ARSJ: variants seen among roughly 807,000 people sequenced by gnomAD.
ARSJ encodes the protein arylsulfatase J.
Under a neutral mutation model 35.9 loss-of-function variants are expected in ARSJ, and 26 were observed. The ratio of observed to expected loss-of-function variants is 0.72; its 90% CI spans 0.53 to 1.00. The LOEUF (loss-of-function observed/expected upper bound fraction) is 1.00, where lower values mean the gene tolerates loss of function less well. Among genes scored for constraint, ARSJ ranks in the 50% least tolerant of loss-of-function variants. The pLI is 0.00. For synonymous variants in ARSJ, 294 were observed against 267.6 expected, an observed-to-expected ratio of 1.10 and a Z score of -0.96; for missense variants, 667 against 723.6, an observed-to-expected ratio of 0.92 and a Z score of 0.90.
At chr4:113,944,232 G>A (rs1415098802) in intron 1 of ARSJ, 1 of 152,016 alleles carries the variant, frequency 6.6e-6, no homozygotes, top group Non-Finnish European at 1.5e-5. Context: ...GAATCTGTAT[G>A]GATCTATGTG....
chr4:113,935,301 T>C (rs1724696268), intron 1 of ARSJ, among the ~76,000 whole-genome samples: 1 of 151,896 alleles, frequency 6.6e-6, no homozygotes. Flanking sequence ...TGTGATAATA[T>C]GGGCAACAGC....
At chr4:113,925,621 C>G (rs899929205) in intron 1 of ARSJ, among the ~76,000 whole-genome samples, 1 of 152,166 alleles carries the variant, frequency 6.6e-6, no homozygotes, top group Non-Finnish European at 1.5e-5. Context: ...ATGAAGCCCA[C>G]TGCCACACTG....
chr4:113,955,963 A>G (rs1352657194), intron 1 of ARSJ, among the ~76,000 whole-genome samples: 6 of 152,126 alleles, frequency 3.9e-5, no homozygotes, highest in Admixed American at 3.9e-4. Flanking sequence ...TATTTGTAGT[A>G]TGGAAACTGA....
chr4:113,977,987 T>C (rs1727693520), intron 1 of ARSJ, among the ~76,000 whole-genome samples: 2 of 152,220 alleles, frequency 1.3e-5, no homozygotes, highest in Non-Finnish European at 2.9e-5. Context: ...ATCTGTTTCG[T>C]TGGTTCATTT....
At chr4:113,915,903 T>G (rs1235864932) in intron 1 of ARSJ, among the ~76,000 whole-genome samples, 1 of 152,208 alleles carries the variant, frequency 6.6e-6, no homozygotes, top group Admixed American at 6.5e-5. Context: ...TGAAAAGTGA[T>G]CACTGCCTAG....
Position 113,903,101 on chromosome 4 carries a change from A to G in ARSJ, c.973T>C (p.Ser325Pro). The G allele has an allele frequency of 6.2e-7, 1 of 1,614,202 alleles. No individual in the cohort carries two copies. The highest frequency in any genetic ancestry group is 8.5e-7 in the Non-Finnish European group (1 of 1,180,026). The change falls in exon 2 of 2, where the codon TCT becomes CCT. Residue 325 changes from serine (S) to proline (P), a missense_variant. By Grantham distance (74) the Ser-to-Pro change is moderately conservative. Transcript: ENST00000315366. Reference protein sequence around the residue: ...GFYNNSIIIYSSDNGGQPTAG... With the variant: ...GFYNNSIIIYPSDNGGQPTAG... ...GTAGGCTGGCCACCATTATCTGAAG[A>G]GTAAATGATAATGCTGTTGTTATAG...
Position 113,901,847 on chromosome 4 carries a change from A to C in ARSJ, c.*427T>G. ...ACTGTAATTTATCAAAGGTAGTTTT[A>C]ATCATGCTACCCTGTAACTTCCATC... is the stretch of plus-strand genomic sequence containing the variant. On this transcript the variant is annotated 3_prime_UTR_variant, in exon 2 of 2. Coordinates refer to ENST00000315366, the MANE Select transcript of ARSJ (RefSeq NM_024590.4). 1 of 200,146 alleles carries C rather than the reference A, an allele frequency of 5.0e-6. No homozygotes were observed. Among genetic ancestry groups the C allele is most frequent in the Non-Finnish European group, 1.0e-5 (1 of 97,184 alleles). 12.4% of individuals were successfully genotyped at this position (200,146 alleles called of 1,614,324 possible).
At position 113,916,207 on chromosome 4, in the gene ARSJ, A is replaced by T. The variant is rs375431363; in HGVS notation, c.399-12532T>A. 8.5e-5 allele frequency among the ~76,000 whole-genome samples: 13 copies of T among 152,226 alleles called. No homozygotes were observed. The East Asian group carries it at 2.3e-3, about 27-fold the overall frequency. On this transcript the variant is annotated intron_variant, in intron 1 of 1. Coordinates refer to ENST00000315366, the MANE Select transcript of ARSJ (RefSeq NM_024590.4). Reference sequence around the variant, plus strand: ...TGCCTAATGACTTGACATCATAGGAATTTCTCCAGCATGTATTGTGGAAAC... The same window carrying T: ...TGCCTAATGACTTGACATCATAGGATTTTCTCCAGCATGTATTGTGGAAAC...
chr4:113,978,845 C>A lies in ARSJ; in HGVS notation c.-11G>T. 1 of 1,582,076 alleles carries A rather than the reference C, an allele frequency of 6.3e-7. No individual in the cohort carries two copies. Among genetic ancestry groups the A allele is most frequent in the South Asian group, 1.2e-5 (1 of 85,862 alleles). On this transcript the variant is annotated 5_prime_UTR_variant, in exon 1 of 2. Transcript: ENST00000315366. ...GCCCCTGGGAGCCATTCACTCAGGT[C>A]CCAGGTGAGACTCCACGCGGAGAAC...
chr4:113,942,073 T>C (rs1725192855), intron 1 of ARSJ, among the ~76,000 whole-genome samples: 1 of 151,932 alleles, frequency 6.6e-6, no homozygotes, highest in South Asian at 2.1e-4. Context: ...GGAATCTTGT[T>C]AAGTAAATGA....
intron 1 of ARSJ, among the ~76,000 whole-genome samples, chr4:113,928,061 T>C (rs189750346): frequency 4.3e-4 from 66 of 152,224 alleles, no homozygotes; most frequent in Non-Finnish European, 8.7e-4. Flanking sequence ...TGGGGACACA[T>C]TGGACCCTCT....
At chr4:113,909,123 A>G (rs537677560) in intron 1 of ARSJ, among the ~76,000 whole-genome samples, 55 of 152,142 alleles carry the variant, frequency 3.6e-4, no homozygotes, top group Non-Finnish European at 6.3e-4. Flanking sequence ...AATCAGTGAG[A>G]GAAGTACAGA....
intron 1 of ARSJ, among the ~76,000 whole-genome samples, chr4:113,919,193 A>AG (rs1270443029): frequency 6.6e-6 from 1 of 152,176 alleles, no homozygotes; most frequent in Non-Finnish European, 1.5e-5. Context: ...GCTGAGACCA[A>AG]GGGCTCAGTT....
rs1375543999 is a variant in ARSJ at position 113,902,091 on chromosome 4, G to A, written c.*183C>T. On this transcript the variant is annotated 3_prime_UTR_variant, in exon 2 of 2. Coordinates refer to ENST00000315366, the MANE Select transcript of ARSJ (RefSeq NM_024590.4). ...TGTGGCTTGCAAGAGTAGCACCTTG[G>A]CACTGAGCAGGACAGTTTTCAGTGT... 5 of 1,566,644 alleles carry A rather than the reference G, an allele frequency of 3.2e-6. No individual in the cohort carries two copies. Among genetic ancestry groups the A allele is most frequent in the South Asian group, 1.1e-5 (1 of 87,672 alleles).
At chr4:113,964,766 GA>G (rs1726783933) in intron 1 of ARSJ, among the ~76,000 whole-genome samples, 1 of 152,052 alleles carries the variant, frequency 6.6e-6, no homozygotes, top group African/African-American at 2.4e-5. Flanking sequence ...ACCTTCACCA[GA>G]GAGCTTATTG....
At chr4:113,917,089 T>C (rs1165988592) in intron 1 of ARSJ, among the ~76,000 whole-genome samples, 1 of 152,174 alleles carries the variant, frequency 6.6e-6, no homozygotes, top group Non-Finnish European at 1.5e-5. Context: ...ACTGTATCTA[T>C]TAACCTGGGA....
chr4:113,924,737 G>T (rs572867825), intron 1 of ARSJ, among the ~76,000 whole-genome samples: 1 of 152,236 alleles, frequency 6.6e-6, no homozygotes, highest in East Asian at 1.9e-4. Flanking sequence ...AGAAAATGAA[G>T]ATATTTTCTT....
chr4:113,953,997 T>C (rs1327924019), intron 1 of ARSJ, among the ~76,000 whole-genome samples: 2 of 152,024 alleles, frequency 1.3e-5, no homozygotes, highest in Non-Finnish European at 2.9e-5. Context: ...TAGAGTACTA[T>C]AGTAATAAGC....
intron 1 of ARSJ, among the ~76,000 whole-genome samples, chr4:113,977,396 G>A (rs888153842): frequency 2.0e-5 from 3 of 152,214 alleles, no homozygotes; most frequent in Non-Finnish European, 4.4e-5. Flanking sequence ...GCGAGACAGA[G>A]ATTCTTACAA....
Sources: gnomAD v4.1 joint callset for allele counts (sites outside exome capture counted in the v4.1 genomes callset) on GRCh38, gnomAD v4.1.1 for gene constraint, MANE v1.5 for transcripts, NCBI Gene and HGNC (gene_info 2026-07-23, HGNC 2026-07-21) for gene names.